The following CSMD1 variants were observed in gnomAD, a reference collection of about 807,000 sequenced individuals.
CSMD1 encodes CUB and Sushi multiple domains 1.
Under a neutral mutation model 417.5 loss-of-function variants are expected in CSMD1, and 213 were observed. That is an observed-to-expected ratio of 0.51 (90% CI 0.46 to 0.57). The LOEUF (loss-of-function observed/expected upper bound fraction) is 0.57. Among genes scored for constraint, CSMD1 ranks in the 20% least tolerant of loss-of-function variants. The pLI, the probability that CSMD1 is intolerant of heterozygous loss-of-function variation, is 0.00. For missense variants in CSMD1, 6,923 were observed against 4,529.7 expected, an observed-to-expected ratio of 1.53 and a Z score of -15.17; for synonymous variants, 2,862 against 1,736.8, an observed-to-expected ratio of 1.65 and a Z score of -16.11.
intron 7 of CSMD1, among the ~76,000 whole-genome samples, chr8:3,705,167 G>C (rs2129038502): frequency 6.6e-6 from 1 of 152,288 alleles, no homozygotes; most frequent in Middle Eastern, 3.4e-3. Flanking sequence ...CAGTGGCAGG[G>C]GAAGGAGTCG....
chr8:3,921,962 T>G (rs1048632918), intron 5 of CSMD1, among the ~76,000 whole-genome samples: 1 of 152,150 alleles, frequency 6.6e-6, no homozygotes, highest in Non-Finnish European at 1.5e-5. Flanking sequence ...GGATGACATG[T>G]CTATTTTGGA....
chr8:4,611,682 G>A (rs1016104007), intron 2 of CSMD1, among the ~76,000 whole-genome samples: 14 of 152,060 alleles, frequency 9.2e-5, no homozygotes, highest in African/African-American at 3.4e-4. Context: ...TTTACTGTGT[G>A]TTTTCATCAT....
chr8:4,412,602 C>A (rs1207441126), intron 3 of CSMD1, among the ~76,000 whole-genome samples: 6 of 152,152 alleles, frequency 3.9e-5, no homozygotes, highest in African/African-American at 1.2e-4. Flanking sequence ...AGTGGAATTT[C>A]TCTTAATGAA....
At chr8:4,207,118 C>G (rs538657170) in intron 3 of CSMD1, among the ~76,000 whole-genome samples, 2 of 152,072 alleles carry the variant, frequency 1.3e-5, no homozygotes, top group African/African-American at 2.4e-5. Flanking sequence ...TCTAAATAGT[C>G]TTAAAAATAG....
At chr8:4,089,564 T>A (rs1479106894) in intron 3 of CSMD1, among the ~76,000 whole-genome samples, 1 of 152,208 alleles carries the variant, frequency 6.6e-6, no homozygotes, top group African/African-American at 2.4e-5. Context: ...CTGACTTGCA[T>A]TACTTAGTTA....
intron 3 of CSMD1, among the ~76,000 whole-genome samples, chr8:4,317,246 C>CT (rs148403961): frequency 0.033 from 4,976 of 151,946 alleles, 276 homozygotes; most frequent in African/African-American, 0.11. Context: ...GGGAATTTTT[C>CT]TTTTTTTTAC....
chr8:3,348,448 G>A (rs1036316226), intron 21 of CSMD1, among the ~76,000 whole-genome samples: 1 of 152,114 alleles, frequency 6.6e-6, no homozygotes, highest in East Asian at 1.9e-4. Context: ...AAACAGAGGT[G>A]CTCCAGCACC....
At chr8:4,706,875 G>A (rs142293973) in intron 1 of CSMD1, among the ~76,000 whole-genome samples, 1 of 152,340 alleles carries the variant, frequency 6.6e-6, no homozygotes, top group Non-Finnish European at 1.5e-5. Context: ...AGCAAGGGCA[G>A]TTCAGTGAAA....
rs1807786989 is a variant in CSMD1, at chr8:3,343,378, G to C, written c.3547C>G (p.Leu1183Val). Residue 1183 changes from leucine (L) to valine (V), a missense_variant, in exon 23 of 70, where the codon CTA becomes GTA. By Grantham distance (32) the Leu-to-Val change is conservative. Coordinates refer to ENST00000635120, the MANE Select transcript of CSMD1 (RefSeq NM_033225.6). The stretch of plus-strand genomic sequence containing the variant: ...CACAGGTGATTGGATGTGCTGTTTA[G>C]GATCAGCCCCAGAAGTTCATTTTTA... ...FTKNELLGLI[L>V]NSTSNHLWLE... The C allele has an allele frequency of 2.5e-6, 4 of 1,613,608 alleles. No individual in the cohort carries two copies. The highest frequency in any genetic ancestry group is 1.7e-5 in the Admixed American group (1 of 59,994).
In CSMD1 at chr8:4,032,043, C is replaced by T. The variant is rs1231746161; in HGVS notation, c.472G>A (p.Gly158Arg). 6.2e-7 allele frequency: 1 copy of T among 1,613,890 alleles called. No individual in the cohort carries two copies. Among genetic ancestry groups the T allele is most frequent in the African/African-American group, 1.3e-5 (1 of 75,038 alleles). ...PGEILKGVLH[G>R]TRFNIGDKIR... ...TTGTCTCCTATGTTGAATCTCGTTC[C>T]ATGCAGAACTCCTTTCAGGATTTCT... The change falls in exon 4 of 70, where the codon GGA becomes AGA. Residue 158 changes from glycine to arginine, a missense_variant. By Grantham distance (125) the Gly-to-Arg change is moderately radical. Coordinates refer to ENST00000635120, the MANE Select transcript of CSMD1 (RefSeq NM_033225.6).
chr8:3,936,972 G>C (rs1032827713), intron 5 of CSMD1, among the ~76,000 whole-genome samples: 18 of 152,106 alleles, frequency 1.2e-4, no homozygotes, highest in Admixed American at 1.2e-3. Flanking sequence ...GAGTTTAAAA[G>C]AAGTTGATTT....
intron 37 of CSMD1, among the ~76,000 whole-genome samples, chr8:3,179,222 G>C (rs1376551811): frequency 1.3e-5 from 2 of 152,014 alleles, no homozygotes; most frequent in Admixed American, 6.6e-5. Context: ...TGGGATTACA[G>C]GCGTGAGCCA....
intron 12 of CSMD1, among the ~76,000 whole-genome samples, chr8:3,460,819 A>G (rs907108397): frequency 1.3e-5 from 2 of 152,184 alleles, no homozygotes; most frequent in East Asian, 1.9e-4. Context: ...CACTCTGGGT[A>G]AGAACAGACA....
intron 3 of CSMD1, among the ~76,000 whole-genome samples, chr8:4,350,026 T>C (rs532166687): frequency 6.6e-6 from 1 of 152,294 alleles, no homozygotes; most frequent in East Asian, 1.9e-4. Context: ...GTCTTTTCCT[T>C]GACTAAAGAG....
At chr8:4,064,431 G>A (rs139089404) in intron 3 of CSMD1, among the ~76,000 whole-genome samples, 41 of 152,308 alleles carry the variant, frequency 2.7e-4, no homozygotes, top group Admixed American at 2.4e-3. Context: ...GCTTCTGCGG[G>A]CTTTGCCCAA....
At chr8:4,631,398 G>GT (rs566703213) in intron 2 of CSMD1, among the ~76,000 whole-genome samples, 3,613 of 138,232 alleles carry the variant, frequency 0.026, 87 homozygotes, top group African/African-American at 0.065. Context: ...ACCTTGGTTT[G>GT]TTTTTTTTTT....
chr8:4,117,541 C>T (rs183465298), intron 3 of CSMD1, among the ~76,000 whole-genome samples: 2 of 152,292 alleles, frequency 1.3e-5, no homozygotes, highest in East Asian at 1.9e-4. Context: ...TTATAATACT[C>T]ACTGATTGTG....
intron 7 of CSMD1, among the ~76,000 whole-genome samples, chr8:3,632,612 G>A (rs28412654): frequency 0.16 from 24,263 of 152,116 alleles, 2,331 homozygotes; most frequent in African/African-American, 0.26. Flanking sequence ...TAAATGTAAT[G>A]CTAATTCTCC....
chr8:4,298,556 G>C (rs545130532), intron 3 of CSMD1, among the ~76,000 whole-genome samples: 7 of 152,148 alleles, frequency 4.6e-5, no homozygotes, highest in African/African-American at 1.7e-4. Flanking sequence ...AATTGTACTT[G>C]TACCCAATGA....
Sources: allele counts gnomAD v4.1 joint callset (sites outside exome capture counted in the v4.1 genomes callset), GRCh38; gene constraint gnomAD v4.1.1; transcripts MANE v1.5; gene names NCBI Gene and HGNC (gene_info 2026-07-23, HGNC 2026-07-21).